CAMKMT: variants seen among roughly 807,000 people sequenced by gnomAD.
CAMKMT encodes CaM KMT.
A neutral mutation model predicts 48.0 loss-of-function variants in CAMKMT; 53 were observed. The observed-to-expected ratio is 1.10, with a 90% confidence interval of 0.89 to 1.39. The LOEUF is 1.39. Among genes scored for constraint, CAMKMT ranks in the 40% most tolerant of loss-of-function variants. The pLI is 0.00. For missense variants in CAMKMT, 428 were observed against 402.7 expected (o/e 1.06, Z -0.54); for synonymous variants, 165 against 152.3 (o/e 1.08, Z -0.61).
intron 3 of CAMKMT, among the ~76,000 whole-genome samples, chr2:44,578,696 T>A (rs574149493): frequency 6.6e-6 from 1 of 152,224 alleles, no homozygotes; most frequent in African/African-American, 2.4e-5. Context: ...GGTGTTAAGT[T>A]TGGAATGAGG....
chr2:44,467,614 C>T (rs974639075), intron 3 of CAMKMT, among the ~76,000 whole-genome samples: 1 of 151,490 alleles, frequency 6.6e-6, no homozygotes, highest in African/African-American at 2.4e-5. Flanking sequence ...AAATATACTA[C>T]AAAGCGACAG....
rs138924512 is a variant in CAMKMT at position 44,372,734 on chromosome 2, C to T, written c.157C>T (p.Leu53=). 213 of 1,612,600 alleles carry T rather than the reference C, an allele frequency of 1.3e-4. No individual in the cohort carries two copies. In the African/African-American group the frequency reaches 2.6e-3, roughly 20 times the overall value. ...LLRQVLKQKH[L]DDCLRHVSVR... Reference sequence around the variant, plus strand: ...TTCAAAGGTTCTGAAGCAAAAACACCTGGATGATTGCCTGCGACATGTATC... The same window carrying T: ...TTCAAAGGTTCTGAAGCAAAAACACTTGGATGATTGCCTGCGACATGTATC... Residue 53 remains leucine, a synonymous_variant, in exon 2 of 11, where the codon CTG becomes TTG. Transcript: ENST00000378494.
At chr2:44,586,301 T>A (rs1309687108) in intron 3 of CAMKMT, among the ~76,000 whole-genome samples, 2 of 151,810 alleles carry the variant, frequency 1.3e-5, no homozygotes, top group Non-Finnish European at 2.9e-5. Context: ...AAGTGTACAA[T>A]TTGATAAGTT....
Position 44,455,358 on chromosome 2 carries a change from C to G in CAMKMT, c.376+65053C>G, listed in dbSNP as rs150083244. On this transcript the variant is annotated intron_variant, in intron 3 of 10. Transcript: ENST00000378494. ...GACTACATTTTTCTTTCTGCTTGCC[C>G]TTTGAACTTTGAGGTCTGAGCAGTG... 1.3e-4 allele frequency among the ~76,000 whole-genome samples: 20 copies of G among 152,152 alleles called. No individual in the cohort carries two copies. In the East Asian group the frequency reaches 3.9e-3, roughly 29 times the overall value.
intron 3 of CAMKMT, among the ~76,000 whole-genome samples, chr2:44,619,378 ATAACT>A (rs1672055271): frequency 6.6e-6 from 1 of 152,188 alleles, no homozygotes; most frequent in East Asian, 1.9e-4. Flanking sequence ...TACCTGGCAA[ATAACT>A]TAAATATAAT....
intron 3 of CAMKMT, among the ~76,000 whole-genome samples, chr2:44,414,421 G>A (rs1683411409): frequency 1.3e-5 from 2 of 152,052 alleles, no homozygotes; most frequent in East Asian, 1.9e-4. Flanking sequence ...AAATCTTTCC[G>A]GGGTCACTCA....
chr2:44,461,121 C>A (rs1667828059), intron 3 of CAMKMT, among the ~76,000 whole-genome samples: 1 of 152,068 alleles, frequency 6.6e-6, no homozygotes, highest in Non-Finnish European at 1.5e-5. Flanking sequence ...ATGCTGTTTT[C>A]AATCACAGGT....
At chr2:44,376,534 T>C (rs1679716227) in intron 2 of CAMKMT, among the ~76,000 whole-genome samples, 1 of 152,156 alleles carries the variant, frequency 6.6e-6, no homozygotes, top group African/African-American at 2.4e-5. Context: ...CTGCCACAGC[T>C]TAACAGAGAT....
At chr2:44,532,917 A>T (rs2104831220) in intron 3 of CAMKMT, among the ~76,000 whole-genome samples, 1 of 151,792 alleles carries the variant, frequency 6.6e-6, no homozygotes, top group East Asian at 1.9e-4. Flanking sequence ...GGTTCAAGCG[A>T]TTCTCCTGCC....
chr2:44,445,645 GTT>G (rs869258613), intron 3 of CAMKMT, among the ~76,000 whole-genome samples: 8 of 101,406 alleles, frequency 7.9e-5, no homozygotes, highest in African/African-American at 1.8e-4. Flanking sequence ...CAAAAGGGTA[GTT>G]TTTTTTTTTT....
intron 6 of CAMKMT, among the ~76,000 whole-genome samples, chr2:44,709,984 G>A (rs893677168): frequency 1.3e-5 from 2 of 151,762 alleles, no homozygotes; most frequent in Non-Finnish European, 2.9e-5. Context: ...CTGAGTATTG[G>A]CCTGTATATT....
At chr2:44,429,255 A>G (rs1002435737) in intron 3 of CAMKMT, among the ~76,000 whole-genome samples, 2 of 134,250 alleles carry the variant, frequency 1.5e-5, no homozygotes, top group African/African-American at 3.0e-5. Flanking sequence ...GAGGTTTTAT[A>G]TATATGTGTG....
rs182018811 is a variant in CAMKMT, at chr2:44,726,561, T to G, written c.623+11208T>G. Among the ~76,000 whole-genome samples, 237 of 152,370 alleles carry G rather than the reference T, an allele frequency of 1.6e-3. 2 individuals are homozygous for G. Among genetic ancestry groups the G allele is most frequent in the African/African-American group, 5.6e-3 (232 of 41,590 alleles). ...AGTTTACAAATATGTGCTCCCATTC[T>G]GTGTATTGTCCATTTACCCTGTTGG... On this transcript the variant is annotated intron_variant, in intron 7 of 10. Transcript: ENST00000378494.
At chr2:44,476,645 A>G (rs1668704135) in intron 3 of CAMKMT, among the ~76,000 whole-genome samples, 1 of 106,026 alleles carries the variant, frequency 9.4e-6, no homozygotes, top group African/African-American at 3.8e-5. Flanking sequence ...TATAAACTAA[A>G]TTACTTTGTG....
intron 3 of CAMKMT, among the ~76,000 whole-genome samples, chr2:44,408,241 G>C (rs1682921393): frequency 6.6e-6 from 1 of 151,834 alleles, no homozygotes; most frequent in African/African-American, 2.4e-5. Context: ...GGCTAGGCTG[G>C]TCTCGATCTA....
intron 2 of CAMKMT, among the ~76,000 whole-genome samples, chr2:44,378,019 T>A (rs1028888495): frequency 1.4e-4 from 22 of 152,226 alleles, no homozygotes; most frequent in African/African-American, 4.8e-4. Flanking sequence ...TTGGCGAGGC[T>A]GGCATCTAAG....
chr2:44,545,232 A>C (rs903242704), intron 3 of CAMKMT, among the ~76,000 whole-genome samples: 1 of 152,258 alleles, frequency 6.6e-6, no homozygotes, highest in African/African-American at 2.4e-5. Flanking sequence ...TTGCTTCTGC[A>C]AACCACCATT....
chr2:44,417,973 C>A (rs528077029), intron 3 of CAMKMT, among the ~76,000 whole-genome samples: 14 of 152,122 alleles, frequency 9.2e-5, no homozygotes, highest in Admixed American at 9.2e-4. Flanking sequence ...CGGGTAGATA[C>A]CTGAGGTCAG....
chr2:44,590,060 A>G (rs1288974016), intron 3 of CAMKMT, among the ~76,000 whole-genome samples: 1 of 151,424 alleles, frequency 6.6e-6, no homozygotes, highest in African/African-American at 2.4e-5. Flanking sequence ...CAAATTTTCC[A>G]CATGGACGGT....
Sources: gnomAD v4.1 joint callset for allele counts (sites outside exome capture counted in the v4.1 genomes callset) on GRCh38, gnomAD v4.1.1 for gene constraint, MANE v1.5 for transcripts, NCBI Gene and HGNC (gene_info 2026-07-23, HGNC 2026-07-21) for gene names.